Variants in ARHGAP11B observed in about 807,000 individuals in gnomAD.
The protein encoded by ARHGAP11B is inactive Rho GTPase-activating protein 11B.
Under a neutral mutation model 27.6 loss-of-function variants are expected in ARHGAP11B, and 14 were observed. That is an observed-to-expected ratio of 0.51 (90% confidence interval 0.34 to 0.79). The LOEUF (loss-of-function observed/expected upper bound fraction) is 0.79. Among genes scored for constraint, ARHGAP11B ranks in the 30% least tolerant of loss-of-function variants. The probability of loss-of-function intolerance (pLI) is 0.02; values close to 1 mark genes in which losing one functional copy is unlikely to be tolerated. For synonymous variants in ARHGAP11B, 82 were observed against 114.1 expected (o/e 0.72, Z 1.80); for missense variants, 245 against 320.1 (o/e 0.77, Z 1.79).
At chr15:30,639,971 A>T (rs111972562) in intron 7 of ARHGAP11B, among the ~76,000 whole-genome samples, 14,142 of 141,458 alleles carry the variant, frequency 0.1, 9 homozygotes, top group Admixed American at 0.12. Context: ...TTCAATATAG[A>T]GTGTGTGTGT....
intron 5 of ARHGAP11B, 34 bp downstream of exon 5, chr15:30,635,222 A>T (rs755172659): frequency 6.2e-7 from 1 of 1,608,026 alleles, no homozygotes; most frequent in African/African-American, 1.3e-5. Context: ...ACAGACTCTT[A>T]TCGATTATGC....
chr15:30,646,674 A>AAAAC (rs36088641), intron 9 of ARHGAP11B, among the ~76,000 whole-genome samples: 2 of 150,150 alleles, frequency 1.3e-5, no homozygotes, highest in Non-Finnish European at 3.0e-5. Flanking sequence ...AAAAAAAAAA[A>AAAAC]ATATGTGAAA....
intron 1 of ARHGAP11B, among the ~76,000 whole-genome samples, chr15:30,628,664 C>T (rs1010011788): frequency 8.6e-5 from 13 of 151,918 alleles, no homozygotes; most frequent in Non-Finnish European, 1.3e-4. Flanking sequence ...TTGGTAATCA[C>T]GCCATATAAA....
At chr15:30,645,153 G>C (rs1250094925) in intron 8 of ARHGAP11B, among the ~76,000 whole-genome samples, 1 of 151,906 alleles carries the variant, frequency 6.6e-6, no homozygotes, top group Admixed American at 6.6e-5. Context: ...ATACTTAAGG[G>C]ATAATTATTA....
chr15:30,626,580 A>C, exon 1 of ARHGAP11B: 1 of 540,738 alleles, frequency 1.8e-6, no homozygotes, highest in Non-Finnish European at 3.2e-6. Flanking sequence ...CTGTAAGTGA[A>C]GGAAGAGTGA....
intron 1 of ARHGAP11B, among the ~76,000 whole-genome samples, chr15:30,628,230 G>A (rs1371857727): frequency 6.6e-6 from 1 of 151,736 alleles, no homozygotes; most frequent in African/African-American, 2.4e-5. Flanking sequence ...ACAGGCGTCC[G>A]CCACCACACC....
At chr15:30,627,983 A>G (rs868323666) in intron 1 of ARHGAP11B, among the ~76,000 whole-genome samples, 4 of 151,856 alleles carry the variant, frequency 2.6e-5, no homozygotes, top group Admixed American at 1.3e-4. Flanking sequence ...TTCTGATTGT[A>G]AAACTGGCTT....
In ARHGAP11B at chr15:30,635,689, A is replaced by T; in HGVS notation, c.*3+56A>T. On this transcript the variant is annotated intron_variant, in intron 6 of 10. Coordinates refer to ENST00000428041, the Ensembl canonical transcript of ARHGAP11B. ...AGTGATTTGCTTTAATCGAAAGTAC[A>T]TTTCACATAAAGAAGCATGAACTGT... 4.4e-6 allele frequency: 7 copies of T among 1,575,890 alleles called. 1 individual carries two copies. The highest frequency in any genetic ancestry group is 6.1e-6 in the Non-Finnish European group (7 of 1,156,988).
At chr15:30,630,619 T>C in intron 1 of ARHGAP11B, 84 bp from the exon 2 acceptor site, 6 of 1,566,402 alleles carry the variant, frequency 3.8e-6, no homozygotes, top group Non-Finnish European at 5.2e-6. Context: ...TTTAATTTCC[T>C]GAGTTCTTTA....
Position 30,626,903 on chromosome 15 carries a change from G to T in ARHGAP11B, c.83G>T (p.Gly28Val), listed in dbSNP as rs1158307050. ...GGTATTAAGGTGAAGGGTGTCCGTG[G>T]GCAGTGCGATCGCAGGAGACATGAA... Residue 28 changes from glycine (G) to valine (V), a missense_variant, in exon 1 of 11, where the codon GGG becomes GTG. Gly to Val is a moderately radical substitution (Grantham distance 109, BLOSUM62 -3). Transcript: ENST00000428041. The T allele has an allele frequency of 2.0e-5, 32 of 1,613,492 alleles. 1 individual carries two copies. Among genetic ancestry groups the T allele is most frequent in the Non-Finnish European group, 2.5e-5 (30 of 1,179,746 alleles).
chr15:30,642,179 G>A lies in ARHGAP11B; in HGVS notation c.*79-2460G>A, dbSNP rs1464654458. Among the ~76,000 whole-genome samples the A allele has an allele frequency of 3.3e-5, 5 of 151,892 alleles. 1 individual carries two copies. Among genetic ancestry groups the A allele is most frequent in the African/African-American group, 2.4e-5 (1 of 41,360 alleles). On this transcript the variant is annotated intron_variant, in intron 7 of 10. Transcript: ENST00000428041. ...TTTTCATAATTGAAAAAATGTGAAT[G>A]TCTCTGGGAAACTTTGTGAATTCTT...
exon 11 of ARHGAP11B, chr15:30,648,784 A>T (rs902710236): frequency 6.6e-6 from 1 of 152,014 alleles, no homozygotes; most frequent in Non-Finnish European, 1.5e-5. Flanking sequence ...TATAATAATT[A>T]TTCTTCGATG....
chr15:30,644,746 A>G (rs2060336429), intron 8 of ARHGAP11B: 2 of 1,326,296 alleles, frequency 1.5e-6, no homozygotes, highest in East Asian at 2.3e-5. Context: ...CTGTCTGTAT[A>G]CAGATACGAA....
intron 1 of ARHGAP11B, among the ~76,000 whole-genome samples, chr15:30,630,333 C>G (rs2060236585): frequency 6.6e-6 from 1 of 151,986 alleles, no homozygotes; most frequent in South Asian, 2.1e-4. Flanking sequence ...TTTATAAGAT[C>G]ATTAAAGCAA....
chr15:30,631,352 C>T lies in ARHGAP11B; in HGVS notation c.200+579C>T, dbSNP rs74979002. Among the ~76,000 whole-genome samples the T allele has an allele frequency of 2.2e-5, 3 of 136,408 alleles. No individual in the cohort carries two copies. The East Asian group carries it at 6.6e-4, about 30-fold the overall frequency. 89.5% of individuals were successfully genotyped at this position (136,408 alleles called of 152,430 possible). A position where few individuals can be genotyped will look rare whatever the true frequency, so the allele number is the denominator to read the frequency against. On this transcript the variant is annotated intron_variant, in intron 2 of 10. Coordinates refer to ENST00000428041, the Ensembl canonical transcript of ARHGAP11B. ...AATTACCAATTCAGTAATAATTTTG[C>T]CTTTTTTTTGTTTGTTAAAAAAATA...
intron 8 of ARHGAP11B, among the ~76,000 whole-genome samples, chr15:30,645,055 G>A (rs1482404449): frequency 2.6e-5 from 4 of 151,850 alleles, no homozygotes; most frequent in African/African-American, 9.7e-5. Context: ...GGGACAACAA[G>A]GAAGGATTGG....
intron 6 of ARHGAP11B, among the ~76,000 whole-genome samples, chr15:30,636,177 T>C (rs989975104): frequency 1.4e-4 from 22 of 151,816 alleles, no homozygotes; most frequent in South Asian, 2.1e-4. Flanking sequence ...ATGATATGAT[T>C]TAAAAATTTT....
At position 30,643,132 on chromosome 15, in the gene ARHGAP11B, GC is replaced by G. The variant is rs200933459; in HGVS notation, c.*79-1505del. Among the ~76,000 whole-genome samples, 132 of 152,052 alleles carry G rather than the reference GC, an allele frequency of 8.7e-4. 4 individuals are homozygous for G. The East Asian group carries it at 0.023, about 26-fold the overall frequency. On this transcript the variant is annotated intron_variant, in intron 7 of 10. Coordinates refer to ENST00000428041, the Ensembl canonical transcript of ARHGAP11B. ...CAAATTTATTTGAATTTTACCAGTT[GC>G]CTCTAATATTCTTTTTGTTTTCTTC...
chr15:30,644,598 T>C, intron 7 of ARHGAP11B: 1 of 1,325,156 alleles, frequency 7.5e-7, no homozygotes, highest in African/African-American at 1.5e-5. Context: ...CATATCAATC[T>C]CAAAAATTGT....
Sources: gnomAD v4.1 joint callset for allele counts (sites outside exome capture counted in the v4.1 genomes callset) on GRCh38, gnomAD v4.1.1 for gene constraint, MANE v1.5 for transcripts, NCBI Gene and HGNC (gene_info 2026-07-23, HGNC 2026-07-21) for gene names.